Variants in NAALADL2 observed in about 807,000 individuals in gnomAD.
The protein encoded by NAALADL2 is inactive N-acetylated-alpha-linked acidic dipeptidase-like protein 2.
In NAALADL2, 76 loss-of-function variants were observed where a neutral mutation model predicts 87.2. The observed-to-expected ratio is 0.87, with a 90% CI of 0.72 to 1.05. The LOEUF is 1.05. NAALADL2 is among the 50% of genes least tolerant of loss of function. The pLI is 0.00. For synonymous variants in NAALADL2, 354 were observed against 331.0 expected (o/e 1.07, Z -0.75); for missense variants, 1,089 against 945.8 (o/e 1.15, Z -1.99).
intron 11 of NAALADL2, among the ~76,000 whole-genome samples, chr3:175,649,835 C>G (rs556043075): frequency 7.2e-5 from 11 of 152,176 alleles, no homozygotes; most frequent in Middle Eastern, 3.4e-3. Flanking sequence ...TAACAGTGTG[C>G]TTGGTACCTA....
chr3:175,318,198 A>C (rs867469720), intron 4 of NAALADL2, among the ~76,000 whole-genome samples: 1 of 152,116 alleles, frequency 6.6e-6, no homozygotes, highest in East Asian at 1.9e-4. Flanking sequence ...TGTATTTATC[A>C]ACAGACAAAT....
At chr3:175,515,661 T>G (rs902312669) in intron 9 of NAALADL2, among the ~76,000 whole-genome samples, 2 of 151,862 alleles carry the variant, frequency 1.3e-5, no homozygotes, top group African/African-American at 2.4e-5. Context: ...CCAATGAAAG[T>G]TGGGCATCAG....
intron 13 of NAALADL2, among the ~76,000 whole-genome samples, chr3:175,789,088 G>T (rs954784986): frequency 9.9e-5 from 15 of 152,090 alleles, no homozygotes; most frequent in African/African-American, 3.6e-4. Flanking sequence ...ATATGCAGAA[G>T]ACCATAACTC....
chr3:175,142,150 G>A (rs1448050829), intron 2 of NAALADL2, among the ~76,000 whole-genome samples: 2 of 152,012 alleles, frequency 1.3e-5, no homozygotes, highest in African/African-American at 2.4e-5. Context: ...CTGTGGCAAT[G>A]TATTTAGTTT....
chr3:175,797,484 G>A (rs531020610), intron 13 of NAALADL2, among the ~76,000 whole-genome samples: 1 of 152,236 alleles, frequency 6.6e-6, no homozygotes, highest in Admixed American at 6.5e-5. Flanking sequence ...GTGTATTGAA[G>A]AGCAGGAATG....
chr3:175,598,880 A>G (rs1291668278), intron 10 of NAALADL2, among the ~76,000 whole-genome samples: 2 of 152,036 alleles, frequency 1.3e-5, no homozygotes, highest in African/African-American at 2.4e-5. Context: ...TCCCCTGGAC[A>G]CTCGTTTAGT....
intron 3 of NAALADL2, chr3:175,235,142 A>T (rs1440544062): frequency 2.0e-5 from 3 of 151,942 alleles, no homozygotes; most frequent in Non-Finnish European, 4.4e-5. Context: ...ACTGTTGTTA[A>T]TGGCACAAAT....
intron 1 of NAALADL2, among the ~76,000 whole-genome samples, chr3:174,899,467 T>A (rs1315775883): frequency 6.6e-6 from 1 of 152,128 alleles, no homozygotes; most frequent in African/African-American, 2.4e-5. Context: ...AGGTAGTAAG[T>A]TCTCTTGAGA....
intron 6 of NAALADL2, among the ~76,000 whole-genome samples, chr3:175,454,413 G>A (rs1722027986): frequency 6.6e-6 from 1 of 151,918 alleles, no homozygotes; most frequent in Non-Finnish European, 1.5e-5. Flanking sequence ...AACTTTCTTT[G>A]CAGTCTCTTG....
At chr3:175,430,285 A>G (rs979530648) in intron 5 of NAALADL2, among the ~76,000 whole-genome samples, 7 of 151,972 alleles carry the variant, frequency 4.6e-5, no homozygotes, top group African/African-American at 1.7e-4. Flanking sequence ...TCTTTAAGTT[A>G]TATACGCATA....
intron 1 of NAALADL2, among the ~76,000 whole-genome samples, chr3:174,927,495 T>C (rs1364598682): frequency 6.6e-6 from 1 of 152,122 alleles, no homozygotes; most frequent in Admixed American, 6.6e-5. Flanking sequence ...GTACAGAAAT[T>C]ATAACAAACT....
At chr3:175,441,169 C>G (rs1237125855) in intron 5 of NAALADL2, among the ~76,000 whole-genome samples, 11 of 151,774 alleles carry the variant, frequency 7.2e-5, no homozygotes, top group African/African-American at 2.4e-4. Context: ...ATTCAACTAA[C>G]TACAGATTGA....
intron 4 of NAALADL2, among the ~76,000 whole-genome samples, chr3:175,261,973 TTG>T (rs1226824257): frequency 6.6e-6 from 1 of 152,098 alleles, no homozygotes; most frequent in Non-Finnish European, 1.5e-5. Flanking sequence ...TGGTATTTGT[TTG>T]TACTTTCAAG....
intron 2 of NAALADL2, among the ~76,000 whole-genome samples, chr3:175,112,038 C>T (rs1318590331): frequency 1.3e-5 from 2 of 151,584 alleles, no homozygotes; most frequent in African/African-American, 4.8e-5. Flanking sequence ...ATGGTCCCAT[C>T]TTTAAATAAA....
intron 1 of NAALADL2, among the ~76,000 whole-genome samples, chr3:175,072,888 G>C (rs910485110): frequency 2.6e-5 from 4 of 151,666 alleles, no homozygotes; most frequent in Admixed American, 6.6e-5. Context: ...TATTTAAAGA[G>C]GCAAAAAAGT....
At chr3:174,465,692 G>GA (rs1489818025) in intron 1 of NAALADL2, among the ~76,000 whole-genome samples, 2 of 152,060 alleles carry the variant, frequency 1.3e-5, no homozygotes, top group Non-Finnish European at 2.9e-5. Flanking sequence ...TCTGAGCATA[G>GA]AAAATATATT....
At chr3:174,978,890 A>G (rs186162531) in intron 1 of NAALADL2, among the ~76,000 whole-genome samples, 1 of 152,306 alleles carries the variant, frequency 6.6e-6, no homozygotes, top group East Asian at 1.9e-4. Context: ...GCAAATATCT[A>G]ATTTATTTTA....
intron 2 of NAALADL2, among the ~76,000 whole-genome samples, chr3:175,176,451 C>CA (rs564814125): frequency 6.6e-6 from 1 of 152,134 alleles, no homozygotes; most frequent in Non-Finnish European, 1.5e-5. Flanking sequence ...TATCAGAACA[C>CA]AATTCTGGTA....
chr3:174,707,215 A>G lies in NAALADL2; in HGVS notation c.-114-30426A>G, dbSNP rs147194994. Among the ~76,000 whole-genome samples the G allele has an allele frequency of 5.2e-3, 793 of 152,332 alleles. 9 individuals carry two copies. Among genetic ancestry groups the G allele is most frequent in the African/African-American group, 0.018 (763 of 41,568 alleles). ...GTTGATGGGACTGTAAACTAGTTCA[A>G]CCGTTGTGGAAGACAGTGTGGCGAT... is the stretch of plus-strand genomic sequence containing the variant. On this transcript the variant is annotated intron_variant, in intron 2 of 3. Transcript: ENST00000434257.
Sources: gnomAD v4.1 joint callset for allele counts (sites outside exome capture counted in the v4.1 genomes callset) on GRCh38, gnomAD v4.1.1 for gene constraint, MANE v1.5 for transcripts, NCBI Gene and HGNC (gene_info 2026-07-23, HGNC 2026-07-21) for gene names.